CLIC5: variants seen among roughly 807,000 people sequenced by gnomAD.
CLIC5 encodes the protein CLIC family member 5, also known as chloride intracellular channel protein 5.
Under a neutral mutation model 24.7 loss-of-function variants are expected in CLIC5, and 20 were observed. That is an observed-to-expected ratio of 0.81 (90% CI 0.57 to 1.18). CLIC5 has a LOEUF of 1.18. CLIC5 is among the 50% of genes most tolerant of loss of function. The pLI, the probability that CLIC5 is intolerant of heterozygous loss-of-function variation, is 0.00. For missense variants in CLIC5, 341 were observed against 326.1 expected, an observed-to-expected ratio of 1.05 and a Z score of -0.35; for synonymous variants, 159 against 135.6, an observed-to-expected ratio of 1.17 and a Z score of -1.20.
chr6:46,058,760 A>G (rs1768332980), intron 1 of CLIC5, among the ~76,000 whole-genome samples: 2 of 152,160 alleles, frequency 1.3e-5, no homozygotes, highest in African/African-American at 4.8e-5. Flanking sequence ...TCAACGGTGG[A>G]AGAAAAAAAT....
chr6:45,992,353 T>C (rs1765971763), intron 1 of CLIC5, among the ~76,000 whole-genome samples: 1 of 152,240 alleles, frequency 6.6e-6, no homozygotes, highest in Non-Finnish European at 1.5e-5. Context: ...GTGTACTCTC[T>C]GTGTTTGAAG....
At chr6:45,926,244 T>TATATATATATATATA (rs1479166444) in intron 4 of CLIC5, among the ~76,000 whole-genome samples, 4 of 96,012 alleles carry the variant, frequency 4.2e-5, no homozygotes, top group African/African-American at 1.2e-4. Context: ...TATATATATA[T>TATATATATATATATA]TTTATTTTTT....
At chr6:45,980,492 T>C (rs886458141) in intron 1 of CLIC5, among the ~76,000 whole-genome samples, 1 of 151,986 alleles carries the variant, frequency 6.6e-6, no homozygotes, top group African/African-American at 2.4e-5. Context: ...CGGTGATCAT[T>C]TATATACCAA....
At chr6:45,913,696 G>T in intron 5 of CLIC5, 1 of 882,754 alleles carries the variant, frequency 1.1e-6, no homozygotes, top group Non-Finnish European at 1.5e-6. Flanking sequence ...GTTAGTAAGT[G>T]CAATGATAGC....
rs192860907 is a variant in CLIC5, at chr6:46,031,430, C to T, written c.540+48273G>A. 4.6e-5 allele frequency among the ~76,000 whole-genome samples: 7 copies of T among 152,296 alleles called. No individual in the cohort carries two copies. In the East Asian group the frequency reaches 1.2e-3, roughly 25 times the overall value. ...AGGGATAAATAAATATATGAAAAGG[C>T]ATCCTACTAAGCTAAGAAAATCAAG... On this transcript the variant is annotated intron_variant, in intron 1 of 5. Transcript: ENST00000185206.
chr6:46,006,387 G>T (rs1766584303), intron 1 of CLIC5, among the ~76,000 whole-genome samples: 1 of 151,132 alleles, frequency 6.6e-6, no homozygotes, highest in African/African-American at 2.4e-5. Flanking sequence ...CTCATGATCT[G>T]CCCACCTCAG....
chr6:46,127,532 C>T, the CLIC5 span, among the ~76,000 whole-genome samples: 2 of 152,066 alleles, frequency 1.3e-5, no homozygotes, highest in Non-Finnish European at 2.9e-5. Context: ...TTTTGCCTAC[C>T]TAAATAAAAC....
chr6:45,958,984 CA>C (rs1237114675), intron 1 of CLIC5, among the ~76,000 whole-genome samples: 4 of 150,632 alleles, frequency 2.7e-5, no homozygotes, highest in African/African-American at 7.3e-5. Context: ...TACATACATA[CA>C]TACTACATAC....
At chr6:46,089,413 G>T in the CLIC5 span, among the ~76,000 whole-genome samples, 1 of 152,016 alleles carries the variant, frequency 6.6e-6, no homozygotes, top group African/African-American at 2.4e-5. Flanking sequence ...TGCTTCAGGA[G>T]GTTAAGGAAC....
At chr6:46,004,134 C>T (rs779629473) in intron 1 of CLIC5, among the ~76,000 whole-genome samples, 1 of 152,054 alleles carries the variant, frequency 6.6e-6, no homozygotes, top group Non-Finnish European at 1.5e-5. Context: ...GATGGGGAAT[C>T]GATGTCATAC....
intron 1 of CLIC5, among the ~76,000 whole-genome samples, chr6:45,999,711 A>T (rs1005404639): frequency 1.3e-5 from 2 of 150,558 alleles, no homozygotes; most frequent in African/African-American, 2.5e-5. Context: ...TGAATAGTAA[A>T]TCTATTTTCT....
intron 6 of CLIC5, among the ~76,000 whole-genome samples, chr6:45,886,877 T>G (rs1284027069): frequency 6.6e-6 from 1 of 152,110 alleles, no homozygotes; most frequent in Non-Finnish European, 1.5e-5. Flanking sequence ...TGCAAAACAA[T>G]GATAGGGAGC....
At chr6:45,919,845 A>G (rs530070797) in intron 4 of CLIC5, among the ~76,000 whole-genome samples, 2 of 152,328 alleles carry the variant, frequency 1.3e-5, no homozygotes, top group East Asian at 3.9e-4. Context: ...GAGGTCAATG[A>G]ATGCCTAGGG....
At chr6:45,911,088 GCAGGGTCCCTCATCTA>G (rs1192352220) in intron 5 of CLIC5, among the ~76,000 whole-genome samples, 2 of 152,184 alleles carry the variant, frequency 1.3e-5, no homozygotes, top group Admixed American at 6.5e-5. Flanking sequence ...ATTCAGCTCT[GCAGGGTCCCTCATCTA>G]CAGAGCCCCT....
intron 6 of CLIC5, among the ~76,000 whole-genome samples, chr6:45,892,553 TG>T (rs1488157567): frequency 1.3e-5 from 2 of 152,310 alleles, no homozygotes; most frequent in Non-Finnish European, 2.9e-5. Flanking sequence ...GCTTTGTTCT[TG>T]CCTGTGTGGA....
intron 1 of CLIC5, among the ~76,000 whole-genome samples, chr6:46,063,172 C>A (rs1762341226): frequency 6.6e-6 from 1 of 152,172 alleles, no homozygotes; most frequent in Admixed American, 6.5e-5. Context: ...TGATTATTAT[C>A]ACTGGATTTT....
At chr6:46,061,078 G>A (rs994374817) in intron 1 of CLIC5, among the ~76,000 whole-genome samples, 1 of 152,244 alleles carries the variant, frequency 6.6e-6, no homozygotes, top group Non-Finnish European at 1.5e-5. Flanking sequence ...CAATAGACGA[G>A]AGGCTCATTC....
chr6:45,987,133 C>T (rs1765771298), intron 1 of CLIC5, among the ~76,000 whole-genome samples: 1 of 152,120 alleles, frequency 6.6e-6, no homozygotes, highest in South Asian at 2.1e-4. Flanking sequence ...GCATTTGACC[C>T]CATTAACTTA....
At chr6:46,128,488 C>T in the CLIC5 span, among the ~76,000 whole-genome samples, 1 of 152,310 alleles carries the variant, frequency 6.6e-6, no homozygotes, top group South Asian at 2.1e-4. Context: ...TTGGCCTTAC[C>T]CTGACTATTG....
Sources: allele counts gnomAD v4.1 joint callset (sites outside exome capture counted in the v4.1 genomes callset), GRCh38; gene constraint gnomAD v4.1.1; transcripts MANE v1.5; gene names NCBI Gene and HGNC (gene_info 2026-07-23, HGNC 2026-07-21).